ABCC1: variants seen among roughly 807,000 people sequenced by gnomAD.
The protein encoded by ABCC1 is multidrug resistance-associated protein 1.
In ABCC1, 83 loss-of-function variants were observed where a neutral mutation model predicts 172.9. That is an observed-to-expected ratio of 0.48 (90% CI 0.40 to 0.58). The LOEUF (loss-of-function observed/expected upper bound fraction) is 0.58. ABCC1 is among the 20% of genes least tolerant of loss of function. ABCC1 has a pLI of 0.00. For missense variants in ABCC1, 1,817 were observed against 2,002.7 expected, an observed-to-expected ratio of 0.91 and a Z score of 1.77; for synonymous variants, 937 against 825.2, an observed-to-expected ratio of 1.14 and a Z score of -2.32.
upstream of ABCC1, chr16:15,949,478 G>A (rs1374763590): frequency 6.8e-6 from 1 of 147,356 alleles, no homozygotes; most frequent in Non-Finnish European, 1.5e-5. Flanking sequence ...CCGAGAGGTG[G>A]CTGGTCCGGC....
At chr16:16,048,838 C>T (rs1181596366) in intron 10 of ABCC1, among the ~76,000 whole-genome samples, 1 of 152,064 alleles carries the variant, frequency 6.6e-6, no homozygotes, top group Non-Finnish European at 1.5e-5. Flanking sequence ...ACAAAATGAG[C>T]TGGGCGTGGT....
In ABCC1 at chr16:16,045,838, T is replaced by C. The variant is rs2049184046; in HGVS notation, c.1043T>C (p.Leu348Ser). The change falls in exon 9 of 31, where the codon TTG (leucine) becomes TCG (serine). Residue 348 changes from leucine to serine, a missense_variant and splice_region_variant. Leu to Ser is a moderately radical substitution (Grantham distance 145). Transcript: ENST00000399410. Reference sequence around the variant, plus strand: ...GCCCTCTCTTTGCTCCTTTGCAGGTTGCTCATCAAGTTCGTGAATGACACG... The same window carrying C: ...GCCCTCTCTTTGCTCCTTTGCAGGTCGCTCATCAAGTTCGTGAATGACACG... ...MMFSGPQILK[L>S]LIKFVNDTKA... 3 of 1,613,908 alleles carry C rather than the reference T, an allele frequency of 1.9e-6. No homozygotes were observed.
At chr16:16,004,511 T>C (rs11075289) in intron 1 of ABCC1, among the ~76,000 whole-genome samples, 95,954 of 151,968 alleles carry the variant, frequency 0.63, 30,706 homozygotes, top group Non-Finnish European at 0.68. Context: ...TGAGATGTCA[T>C]GCCTTCTCCA....
rs1256958526 is a variant in ABCC1, at chr16:16,082,985, CTTT to C, written c.2116-380_2116-378del. 9.9e-5 allele frequency among the ~76,000 whole-genome samples: 15 copies of C among 152,284 alleles called. 1 individual carries two copies. The highest frequency in any genetic ancestry group is 3.6e-4 in the African/African-American group (15 of 41,562). On this transcript the variant is annotated intron_variant, in intron 16 of 30. Transcript: ENST00000399410. ...TAAAAAGTGTCATATATCTTTTTAT[CTTT>C]GCGTCCACCGTAACTGTAATCAAGT...
At chr16:16,116,690 G>A (rs1483757927) in intron 23 of ABCC1, among the ~76,000 whole-genome samples, 5 of 152,012 alleles carry the variant, frequency 3.3e-5, no homozygotes, top group Admixed American at 3.3e-4. Flanking sequence ...AGCCTCCCAA[G>A]TAGCTGGGAT....
rs1401691198 is a variant in ABCC1 at position 16,045,864 on chromosome 16, A to G, written c.1069A>G (p.Lys357Glu). The G allele has an allele frequency of 6.2e-7, 1 of 1,614,040 alleles. No homozygotes were observed. The highest frequency in any genetic ancestry group is 8.5e-7 in the Non-Finnish European group (1 of 1,180,032). Reference sequence around the variant, plus strand: ...GCTCATCAAGTTCGTGAATGACACGAAGGCCCCAGACTGGCAGGGCTACTT... The same window carrying G: ...GCTCATCAAGTTCGTGAATGACACGGAGGCCCCAGACTGGCAGGGCTACTT... ...KLLIKFVNDT[K>E]APDWQGYFYT... The change falls in exon 9 of 31, where the codon AAG (lysine) becomes GAG (glutamate). Residue 357 changes from lysine to glutamate, a missense_variant. Around this residue, in one of 3 missense-constraint regions of ABCC1, gnomAD observed 1,412 missense variants for 1,600.3 expected, o/e 0.88. Transcript: ENST00000399410.
intron 1 of ABCC1, among the ~76,000 whole-genome samples, chr16:16,002,736 C>T (rs2047359567): frequency 7.0e-6 from 1 of 143,010 alleles, no homozygotes; most frequent in African/African-American, 2.6e-5. Flanking sequence ...TGCACCACTG[C>T]ATTCCAGCCT....
At chr16:16,130,540 G>A (rs1034150845) in intron 26 of ABCC1, among the ~76,000 whole-genome samples, 2 of 152,154 alleles carry the variant, frequency 1.3e-5, no homozygotes, top group South Asian at 2.1e-4. Flanking sequence ...TCTGTATTGC[G>A]CTCCTCAAAT....
chr16:16,139,611 CAAAA>C (rs386384360), intron 30 of ABCC1, among the ~76,000 whole-genome samples: 202 of 57,320 alleles, frequency 3.5e-3, no homozygotes, highest in Non-Finnish European at 3.7e-3. Flanking sequence ...GACTCCATCT[CAAAA>C]AAAAAAAAAA....
intron 1 of ABCC1, among the ~76,000 whole-genome samples, chr16:15,953,062 G>A (rs960237096): frequency 1.3e-5 from 2 of 151,710 alleles, no homozygotes; most frequent in South Asian, 2.1e-4. Context: ...AGGGCCGGGT[G>A]TAGTAGATCA....
At chr16:15,996,820 A>G (rs1817314659) in intron 1 of ABCC1, among the ~76,000 whole-genome samples, 2 of 152,182 alleles carry the variant, frequency 1.3e-5, no homozygotes, top group African/African-American at 2.4e-5. Context: ...ATGTACAGAA[A>G]GGAGGTCAGC....
Position 16,135,453 on chromosome 16 carries a change from CTCTTT to C in ABCC1, c.4125+952_4125+956del, listed in dbSNP as rs529009882. Among the ~76,000 whole-genome samples the C allele has an allele frequency of 2.9e-3, 440 of 152,188 alleles. 4 individuals carry two copies. Among genetic ancestry groups the C allele is most frequent in the East Asian group, 2.5e-3 (13 of 5,180 alleles). ...AGAAATAAGGATTTTCTTTTTCTTTCTCTTTTCTTTTTTTTCTTTTTTTAACTGAG... is the reference window on the plus strand; with the variant it reads ...AGAAATAAGGATTTTCTTTTTCTTTCTCTTTTTTTTCTTTTTTTAACTGAG... On this transcript the variant is annotated intron_variant, in intron 28 of 30. Coordinates refer to ENST00000399410, the MANE Select transcript of ABCC1 (RefSeq NM_004996.4).
intron 14 of ABCC1, among the ~76,000 whole-genome samples, chr16:16,072,492 T>C (rs902217634): frequency 1.3e-4 from 19 of 150,968 alleles, no homozygotes; most frequent in Non-Finnish European, 1.5e-5. Context: ...GCCTTTTTTT[T>C]TTTTTCAATA....
chr16:16,095,612 C>G (rs1055841090), intron 19 of ABCC1, among the ~76,000 whole-genome samples: 1 of 152,232 alleles, frequency 6.6e-6, no homozygotes, highest in African/African-American at 2.4e-5. Flanking sequence ...CTGCTGAATT[C>G]TTCCCTTGTC....
At chr16:16,056,418 GC>G in intron 12 of ABCC1, 123 bp downstream of exon 12, 1 of 1,174,504 alleles carries the variant, frequency 8.5e-7, no homozygotes, top group Non-Finnish European at 1.2e-6. Flanking sequence ...GGTAATCCCA[GC>G]ACTCTGGGAG....
At chr16:16,098,355 A>AG (rs2051572983) in intron 19 of ABCC1, 1 of 181,910 alleles carries the variant, frequency 5.5e-6, no homozygotes. Flanking sequence ...ATGGTGGCTC[A>AG]CGCCTGTAAT....
chr16:16,071,632 C>T lies in ABCC1; in HGVS notation c.1825-10C>T, dbSNP rs760518750. 8.1e-6 allele frequency: 13 copies of T among 1,612,922 alleles called. No individual in the cohort carries two copies. The highest frequency in any genetic ancestry group is 1.7e-5 in the Admixed American group (1 of 59,892). ...AAAATAACTCTCCCCTGCCATTGCT[C>T]TCTGTACAGGCGAGTGTCTCCCTCA... On this transcript the variant is annotated splice_polypyrimidine_tract_variant and intron_variant, in intron 13 of 30. Coordinates refer to ENST00000399410, the MANE Select transcript of ABCC1 (RefSeq NM_004996.4).
chr16:16,043,881 T>A (rs2049089561), intron 7 of ABCC1, among the ~76,000 whole-genome samples: 1 of 152,322 alleles, frequency 6.6e-6, no homozygotes, highest in African/African-American at 2.4e-5. Flanking sequence ...GGATTACAGG[T>A]GTGAACCACC....
intron 19 of ABCC1, chr16:16,095,203 G>A (rs1178143110): frequency 2.0e-5 from 3 of 152,194 alleles, no homozygotes; most frequent in Non-Finnish European, 4.4e-5. Context: ...AGTGAATAGT[G>A]AACCATTTTC....
Sources: allele counts gnomAD v4.1 joint callset (sites outside exome capture counted in the v4.1 genomes callset), GRCh38; gene constraint gnomAD v4.1.1; regional missense constraint gnomAD v4.1.1; transcripts MANE v1.5; gene names NCBI Gene and HGNC (gene_info 2026-07-23, HGNC 2026-07-21).